Variants in TBC1D8B observed in about 807,000 individuals in gnomAD.
TBC1D8B encodes the protein RP11-321G1.1.
Under a neutral mutation model 82.9 loss-of-function variants are expected in TBC1D8B, and 75 were observed. That is an observed-to-expected ratio of 0.90 (90% CI 0.75 to 1.10). The LOEUF is 1.10. Among genes scored for constraint, TBC1D8B ranks in the 50% least tolerant of loss-of-function variants. TBC1D8B has a pLI of 0.00. For synonymous variants in TBC1D8B, 276 were observed against 276.8 expected (o/e 1.00, Z 0.03); for missense variants, 794 against 796.9 (o/e 1.00, Z 0.04).
intron 7 of TBC1D8B, among the ~76,000 whole-genome samples, chrX:106,832,625 G>A (rs1232836249): frequency 9.0e-6 from 1 of 111,235 alleles, no homozygotes; most frequent in Non-Finnish European, 1.9e-5. Context: ...TTGAGTTTAT[G>A]CCTTAAAGTT....
At position 106,802,742 on chromosome X, in the gene TBC1D8B, G is replaced by T. The variant is rs1931063869; in HGVS notation, c.-112G>T. On this transcript the variant is annotated 5_prime_UTR_variant, in exon 1 of 21. Coordinates refer to ENST00000357242, the MANE Select transcript of TBC1D8B (RefSeq NM_017752.3). ...AGTGTGGAAAACCTGAACCTGAGCT[G>T]CTGTCGCCTGAGGAAGATTTGGTGG... is the stretch of plus-strand genomic sequence containing the variant. 9.2e-6 allele frequency: 10 copies of T among 1,091,346 alleles called. No individual in the cohort carries two copies. The East Asian group carries it at 2.2e-4, about 24-fold the overall frequency. The allele number at this position is 1,091,346 out of a possible 1,213,427, so 89.9% of individuals were successfully genotyped here. A position where few individuals can be genotyped will look rare whatever the true frequency, so the allele number is the denominator to read the frequency against.
intron 1 of TBC1D8B, among the ~76,000 whole-genome samples, chrX:106,807,631 T>G (rs1931232189): frequency 9.0e-6 from 1 of 111,402 alleles, no homozygotes; most frequent in African/African-American, 3.3e-5. Flanking sequence ...CCCTTTCTTA[T>G]TCAAAGAGAT....
chrX:106,830,761 C>T (rs1172364415), intron 7 of TBC1D8B, among the ~76,000 whole-genome samples: 1 of 85,690 alleles, frequency 1.2e-5, no homozygotes, highest in Non-Finnish European at 2.1e-5. Context: ...CACATGGACA[C>T]AGGAAGGGGA....
At chrX:106,851,539 A>G (rs923876931) in intron 12 of TBC1D8B, among the ~76,000 whole-genome samples, 4 of 111,261 alleles carry the variant, frequency 3.6e-5, no homozygotes, top group Non-Finnish European at 7.5e-5. Flanking sequence ...AACATTAGGT[A>G]TATCTCCTAA....
intron 7 of TBC1D8B, among the ~76,000 whole-genome samples, chrX:106,834,700 A>C (rs141791811): frequency 1.5e-3 from 169 of 112,284 alleles, no homozygotes; most frequent in Middle Eastern, 4.6e-3. Flanking sequence ...CACTATTCCA[A>C]ATGGGAGAAA....
intron 10 of TBC1D8B, among the ~76,000 whole-genome samples, chrX:106,844,512 T>TATATATATACACACATATATAAAC (rs1932390805): frequency 1.1e-5 from 1 of 93,515 alleles, no homozygotes; most frequent in African/African-American, 5.4e-5. Context: ...TATATAAACA[T>TATATATATACACACATATATAAAC]ATATATATAT....
intron 14 of TBC1D8B, among the ~76,000 whole-genome samples, chrX:106,855,299 A>G (rs1454717306): frequency 8.9e-6 from 1 of 112,553 alleles, no homozygotes; most frequent in African/African-American, 3.2e-5. Flanking sequence ...AGCATTTTTA[A>G]AAATTTACTG....
intron 1 of TBC1D8B, among the ~76,000 whole-genome samples, chrX:106,816,354 C>T (rs1408333760): frequency 1.8e-5 from 2 of 111,666 alleles, no homozygotes; most frequent in Non-Finnish European, 3.8e-5. Context: ...TCACATAGTT[C>T]TGAAGACACT....
chrX:106,855,208 G>A (rs1028287936), intron 14 of TBC1D8B, among the ~76,000 whole-genome samples: 1 of 112,202 alleles, frequency 8.9e-6, no homozygotes, highest in South Asian at 3.7e-4. Flanking sequence ...AAGATTCCAG[G>A]TTTAGATTTC....
At chrX:106,829,884 G>C (rs1033003656) in intron 7 of TBC1D8B, 2 of 110,720 alleles carry the variant, frequency 1.8e-5, no homozygotes, top group Non-Finnish European at 3.8e-5. Context: ...ATAGGCATGG[G>C]CAAGGACTTC....
At chrX:106,848,952 T>A (rs1342713699) in intron 11 of TBC1D8B, among the ~76,000 whole-genome samples, 3 of 105,039 alleles carry the variant, frequency 2.9e-5, no homozygotes, top group African/African-American at 1.0e-4. Flanking sequence ...TTTTTTTTTG[T>A]ATTTTTAGTA....
rs1003683032 is a variant in TBC1D8B, at chrX:106,802,748, G to T, written c.-106G>T. ...GAAAACCTGAACCTGAGCTGCTGTC[G>T]CCTGAGGAAGATTTGGTGGGAGGAG... On this transcript the variant is annotated 5_prime_UTR_variant, in exon 1 of 21. Coordinates refer to ENST00000357242, the MANE Select transcript of TBC1D8B (RefSeq NM_017752.3). 9 of 1,113,043 alleles carry T rather than the reference G, an allele frequency of 8.1e-6. No homozygotes were observed. The highest frequency in any genetic ancestry group is 1.8e-5 in the African/African-American group (1 of 55,015). The allele number at this position is 1,113,043 out of a possible 1,213,427, so 91.7% of individuals were successfully genotyped here.
At chrX:106,808,537 G>T (rs1031231415) in intron 1 of TBC1D8B, among the ~76,000 whole-genome samples, 8 of 112,020 alleles carry the variant, frequency 7.1e-5, no homozygotes, top group Non-Finnish European at 1.5e-4. Context: ...ACAAAACACT[G>T]ATAGTTACTA....
intron 1 of TBC1D8B, chrX:106,815,596 A>G (rs1931519617): frequency 9.0e-6 from 1 of 110,533 alleles, no homozygotes; most frequent in Admixed American, 9.6e-5. Flanking sequence ...AGTCATTGGT[A>G]GCTTGATGGG....
chrX:106,869,558 G>C lies in TBC1D8B; in HGVS notation c.2869+17G>C. The stretch of plus-strand genomic sequence containing the variant: ...CTGAAAAAGGTACTATGATCTAGGA[G>C]TTATCATTTAATTTATTTAGTTATT... On this transcript the variant is annotated intron_variant, in intron 19 of 20. Transcript: ENST00000357242. 1.7e-6 allele frequency: 2 copies of C among 1,161,295 alleles called. No homozygotes were observed. The highest frequency in any genetic ancestry group is 2.3e-6 in the Non-Finnish European group (2 of 858,209).
At chrX:106,819,670 A>G (rs1275511125) in intron 2 of TBC1D8B, among the ~76,000 whole-genome samples, 1 of 110,869 alleles carries the variant, frequency 9.0e-6, no homozygotes, top group Non-Finnish European at 1.9e-5. Flanking sequence ...TAGTGTTGCC[A>G]GTGAGTCTTT....
At chrX:106,820,167 G>A (rs1931657369) in intron 2 of TBC1D8B, among the ~76,000 whole-genome samples, 2 of 111,190 alleles carry the variant, frequency 1.8e-5, no homozygotes, top group South Asian at 7.5e-4. Context: ...TTAATGGTAT[G>A]TGAGTGATAG....
chrX:106,837,006 T>C (rs1304314603), intron 7 of TBC1D8B, among the ~76,000 whole-genome samples: 2 of 111,693 alleles, frequency 1.8e-5, no homozygotes, highest in Non-Finnish European at 3.8e-5. Context: ...CCCAAAAAGA[T>C]GTTGTACTCT....
rs1602442437 is a variant in TBC1D8B, at chrX:106,873,642, C to T, written c.3040C>T (p.Gln1014Ter). The T allele has an allele frequency of 2.0e-5, 24 of 1,210,632 alleles. No homozygotes were observed. The highest frequency in any genetic ancestry group is 2.7e-5 in the Non-Finnish European group (24 of 894,694). Residue 1014 changes from glutamine (Q) to a stop codon, truncating the protein, a stop_gained, in exon 21 of 21, where the codon CAA becomes TAA. Coordinates refer to ENST00000357242, the MANE Select transcript of TBC1D8B (RefSeq NM_017752.3). LOFTEE classifies it high-confidence loss of function. ...GGACCCTGAAGAAGAATCATTATAT[C>T]AAGCCATTGCTGTTGTAACCAGCCT... is the stretch of plus-strand genomic sequence containing the variant. ...HEDPEEESLY[Q>*]AIAVVTSLLL...
Sources: gnomAD v4.1 joint callset for allele counts (sites outside exome capture counted in the v4.1 genomes callset) on GRCh38, gnomAD v4.1.1 for gene constraint, MANE v1.5 for transcripts, NCBI Gene and HGNC (gene_info 2026-07-23, HGNC 2026-07-21) for gene names.